Variants in EIF2AK3 observed in about 807,000 individuals in gnomAD.
EIF2AK3 encodes eukaryotic translation initiation factor 2 alpha kinase 3, also known as eukaryotic translation initiation factor 2-alpha kinase 3.
A neutral mutation model predicts 113.5 loss-of-function variants in EIF2AK3; 50 were observed. The ratio of observed to expected loss-of-function variants is 0.44; its 90% CI spans 0.35 to 0.56. The LOEUF (loss-of-function observed/expected upper bound fraction) is 0.56. Among genes scored for constraint, EIF2AK3 ranks in the 20% least tolerant of loss-of-function variants. The probability of loss-of-function intolerance (pLI) is 0.00; values close to 1 mark genes in which losing one functional copy is unlikely to be tolerated. For missense variants in EIF2AK3, 1,185 were observed against 1,378.0 expected (o/e 0.86, Z 2.22); for synonymous variants, 448 against 495.4 (o/e 0.90, Z 1.27).
intron 10 of EIF2AK3, among the ~76,000 whole-genome samples, chr2:88,582,363 A>G (rs1285952824): frequency 6.6e-6 from 1 of 152,204 alleles, no homozygotes; most frequent in Admixed American, 6.5e-5. Flanking sequence ...ATGGAAAACT[A>G]CAACAATCCA....
In EIF2AK3 at chr2:88,627,149, C is replaced by A; in HGVS notation, c.126G>T (p.Glu42Asp). The A allele has an allele frequency of 7.0e-7, 1 of 1,437,434 alleles. No homozygotes were observed. The highest frequency in any genetic ancestry group is 9.1e-7 in the Non-Finnish European group (1 of 1,103,340). 89.0% of individuals were successfully genotyped at this position (1,437,434 alleles called of 1,614,324 possible). The change falls in exon 1 of 17, where the codon GAG (glutamate) becomes GAT (aspartate). Residue 42 changes from glutamate (E) to aspartate (D), a missense_variant. Around this residue, in one of 3 missense-constraint regions of EIF2AK3, gnomAD observed 189 missense variants for 175.2 expected, o/e 1.08. Transcript: ENST00000303236. ...RARGLPAPTAEAAFGLGAAAA... is the reference protein window; with the variant it reads ...RARGLPAPTADAAFGLGAAAA... ...CGGCCGCCCCGAGGCCGAACGCCGCCTCCGCCGTCGGCGCTGGGAGGCCAC... is the reference window on the plus strand; with the variant it reads ...CGGCCGCCCCGAGGCCGAACGCCGCATCCGCCGTCGGCGCTGGGAGGCCAC...
Position 88,570,879 on chromosome 2 carries a change from C to T in EIF2AK3, c.2980G>A (p.Glu994Lys). 1 of 1,614,124 alleles carries T rather than the reference C, an allele frequency of 6.2e-7. No individual in the cohort carries two copies. The highest frequency in any genetic ancestry group is 2.2e-5 in the East Asian group (1 of 44,882). ...QVGTKLYMSP[E>K]QIHGNSYSHK... is the part of the protein sequence containing the mutation. ...TAAAGGTCTGAAAAACTCACCTGCT[C>T]TGGGCTCATATACAGTTTGGTCCCT... is the stretch of plus-strand genomic sequence containing the variant. Residue 994 changes from glutamate to lysine, a missense_variant, in exon 14 of 17, where the codon GAG becomes AAG. By Grantham distance (56) the Glu-to-Lys change is moderately conservative (BLOSUM62 1). Around this residue, in one of 3 missense-constraint regions of EIF2AK3, gnomAD observed 877 missense variants for 1,024.2 expected, o/e 0.86. Transcript: ENST00000303236.
chr2:88,558,196 G>A (rs1673837207), intron 16 of EIF2AK3, among the ~76,000 whole-genome samples: 1 of 151,992 alleles, frequency 6.6e-6, no homozygotes. Context: ...TTTGACCTGT[G>A]GGCACTAGTT....
intron 2 of EIF2AK3, 80 bp downstream of exon 2, chr2:88,613,644 T>C (rs569515528): frequency 6.5e-6 from 10 of 1,526,940 alleles, no homozygotes; most frequent in African/African-American, 4.1e-5. Context: ...ACCTGGGCAA[T>C]AGGGCCCCAA....
At position 88,586,056 on chromosome 2, in the gene EIF2AK3, C is replaced by G; in HGVS notation, c.1435G>C (p.Gly479Arg). Residue 479 changes from glycine (G) to arginine (R), a missense_variant, in exon 9 of 17, where the codon GGT (glycine) becomes CGT (arginine). Around this residue, in one of 3 missense-constraint regions of EIF2AK3, gnomAD observed 877 missense variants for 1,024.2 expected, o/e 0.86. Transcript: ENST00000303236. ...CTCTTGTAGTATGGTAGATAATAAC[C>G]ATTATCTTCAAATAGAAACATTAAA... is the stretch of plus-strand genomic sequence containing the variant. ...LSILQYPYDN[G>R]YYLPYYKRER... 1 of 1,611,676 alleles carries G rather than the reference C, an allele frequency of 6.2e-7. No individual in the cohort carries two copies. The highest frequency in any genetic ancestry group is 1.1e-5 in the South Asian group (1 of 90,984).
At chr2:88,626,855 G>A in intron 1 of EIF2AK3, 112 bp downstream of exon 1, 2 of 1,417,200 alleles carry the variant, frequency 1.4e-6, no homozygotes, top group Admixed American at 2.0e-5. Context: ...GCTGCCCTCC[G>A]CAGCCGAGGG....
intron 1 of EIF2AK3, 74 bp downstream of exon 1, chr2:88,626,893 C>A: frequency 6.4e-7 from 1 of 1,558,608 alleles, no homozygotes; most frequent in African/African-American, 1.4e-5. Context: ...CCCGGATCTC[C>A]GCCCCCCTAC....
intron 3 of EIF2AK3, among the ~76,000 whole-genome samples, chr2:88,594,490 C>T (rs1305487843): frequency 6.6e-6 from 1 of 152,150 alleles, no homozygotes; most frequent in Non-Finnish European, 1.5e-5. Context: ...AGCCACCTTG[C>T]CTGGTTGAAA....
chr2:88,583,356 T>TA (rs925488478), intron 10 of EIF2AK3, 74 bp downstream of exon 10: 1,469 of 1,129,576 alleles, frequency 1.3e-3, no homozygotes, highest in Non-Finnish European at 1.6e-3. Context: ...ATCCACACAT[T>TA]AAAAAAAAAG....
intron 10 of EIF2AK3, chr2:88,580,083 A>ACTG: frequency 4.7e-6 from 1 of 212,356 alleles, no homozygotes; most frequent in South Asian, 6.9e-5. Context: ...CAGTCCTATT[A>ACTG]TACCCAGGTA....
chr2:88,574,601 A>G (rs1036110573), intron 13 of EIF2AK3, 65 bp downstream of exon 13: 10 of 1,576,206 alleles, frequency 6.3e-6, no homozygotes, highest in African/African-American at 4.0e-5. Context: ...GAGTACTGCA[A>G]GTACTGCTCT....
In EIF2AK3 at chr2:88,583,505, T is replaced by G. The variant is rs776297256; in HGVS notation, c.1688A>C (p.Asn563Thr). The G allele has an allele frequency of 6.2e-7, 1 of 1,613,254 alleles. No homozygotes were observed. The highest frequency in any genetic ancestry group is 1.7e-5 in the Admixed American group (1 of 60,020). The change falls in exon 10 of 17, where the codon AAT (asparagine) becomes ACT (threonine). Residue 563 changes from asparagine to threonine, a missense_variant. Transcript: ENST00000303236. ...KESETQCQTE[N>T]KYDSVSGEAN... ...TTCACCACTTACAGAATCATATTTA[T>G]TTTCAGTTTGACACTGAGTTTCAGA...
chr2:88,583,536 T>C lies in EIF2AK3; in HGVS notation c.1657A>G (p.Lys553Glu), dbSNP rs758108455. 1.9e-6 allele frequency: 3 copies of C among 1,612,022 alleles called. No homozygotes were observed. The highest frequency in any genetic ancestry group is 2.5e-6 in the Non-Finnish European group (3 of 1,178,858). ...GTTTGACACTGAGTTTCAGACTCCT[T>C]CCTTTGCTGATAAGGTGAAAAACAA... ...LFHPHPHRQRKESETQCQTEN... is the reference protein window; with the variant it reads ...LFHPHPHRQREESETQCQTEN... Residue 553 changes from lysine to glutamate, a missense_variant, in exon 10 of 17, where the codon AAG becomes GAG. Around this residue, in one of 3 missense-constraint regions of EIF2AK3, gnomAD observed 877 missense variants for 1,024.2 expected, o/e 0.86. Coordinates refer to ENST00000303236, the MANE Select transcript of EIF2AK3 (RefSeq NM_004836.7).
Position 88,588,906 on chromosome 2 carries a change from A to G in EIF2AK3, c.1166-5T>C, listed in dbSNP as rs780856258. ...ACAGCTGGCCTCTATACATTCCTGAATCAACCAGAACATTGTCAATTATGC... is the reference window on the plus strand; with the variant it reads ...ACAGCTGGCCTCTATACATTCCTGAGTCAACCAGAACATTGTCAATTATGC... On this transcript the variant is annotated splice_region_variant and splice_polypyrimidine_tract_variant and intron_variant, in intron 6 of 16. Coordinates refer to ENST00000303236, the MANE Select transcript of EIF2AK3 (RefSeq NM_004836.7). 5.0e-6 allele frequency: 8 copies of G among 1,613,532 alleles called. No individual in the cohort carries two copies. The South Asian group carries it at 5.5e-5, about 11-fold the overall frequency.
rs1031732785 is a variant in EIF2AK3, at chr2:88,583,439, T to G, written c.1754A>C (p.Tyr585Ser). The change falls in exon 10 of 17, where the codon TAT (tyrosine) becomes TCT (serine). Residue 585 changes from tyrosine to serine, a missense_variant. Physicochemically the swap from Tyr to Ser is moderately radical, Grantham distance 144. Transcript: ENST00000303236. ...SSWNDIKNSG[Y>S]ISRYLTDFEP... The stretch of plus-strand genomic sequence containing the variant: ...TTTATAAGACTCTTACCGTGATATA[T>G]ATCCAGAGTTTTTTATGTCATTCCA... 3.1e-6 allele frequency: 5 copies of G among 1,609,598 alleles called. No individual in the cohort carries two copies. The highest frequency in any genetic ancestry group is 1.7e-5 in the Admixed American group (1 of 59,980).
At chr2:88,618,843 T>C (rs1558665295) in intron 1 of EIF2AK3, among the ~76,000 whole-genome samples, 1 of 152,198 alleles carries the variant, frequency 6.6e-6, no homozygotes, top group East Asian at 1.9e-4. Flanking sequence ...GAAGCCACTC[T>C]CAAGAAAGAT....
At chr2:88,593,571 T>G (rs936958919) in intron 3 of EIF2AK3, among the ~76,000 whole-genome samples, 166 bp from the exon 4 acceptor site, 2 of 152,222 alleles carry the variant, frequency 1.3e-5, no homozygotes, top group East Asian at 1.9e-4. Flanking sequence ...ACTCCTAAAA[T>G]GAGTTATTTA....
At chr2:88,609,485 A>G (rs1675376405) in intron 2 of EIF2AK3, among the ~76,000 whole-genome samples, 1 of 152,242 alleles carries the variant, frequency 6.6e-6, no homozygotes, top group South Asian at 2.1e-4. Flanking sequence ...TTCCACTTAC[A>G]AATGTTCTTG....
Position 88,574,788 on chromosome 2 carries a change from A to G in EIF2AK3, c.2695T>C (p.Trp899Arg). 1 of 1,614,130 alleles carries G rather than the reference A, an allele frequency of 6.2e-7. No individual in the cohort carries two copies. The highest frequency in any genetic ancestry group is 8.5e-7 in the Non-Finnish European group (1 of 1,180,016). ...QLCRKENLKD[W>R]MNGRCTIEER... ...TCTATGGTACATCGTCCATTCATCC[A>G]GTCTTTGAGGTTTTCTTTTCTGCAC... Residue 899 changes from tryptophan to arginine, a missense_variant, in exon 13 of 17, where the codon TGG becomes CGG. Trp to Arg is a moderately radical substitution (Grantham distance 101). Transcript: ENST00000303236.
Sources: allele counts gnomAD v4.1 joint callset (sites outside exome capture counted in the v4.1 genomes callset), GRCh38; gene constraint gnomAD v4.1.1; regional missense constraint gnomAD v4.1.1; transcripts MANE v1.5; gene names NCBI Gene and HGNC (gene_info 2026-07-23, HGNC 2026-07-21).